SMAD5: variants seen among roughly 807,000 people sequenced by gnomAD.
The protein encoded by SMAD5 is SMAD family member 5.
A neutral mutation model predicts 43.1 loss-of-function variants in SMAD5; 9 were observed. That is an observed-to-expected ratio of 0.21 (90% CI 0.13 to 0.36). The LOEUF is 0.36. SMAD5 is among the 10% of genes least tolerant of loss of function. The pLI is 1.00. For synonymous variants in SMAD5, 190 were observed against 192.4 expected (o/e 0.99, Z 0.10); for missense variants, 348 against 574.0 (o/e 0.61, Z 4.02).
In SMAD5 at chr5:136,157,467, T is replaced by C. The variant is rs572073774; in HGVS notation, c.403+3304T>C. Among the ~76,000 whole-genome samples, 44 of 152,248 alleles carry C rather than the reference T, an allele frequency of 2.9e-4. 1 individual carries two copies. Among genetic ancestry groups the C allele is most frequent in the Admixed American group, 2.7e-3 (41 of 15,300 alleles). ...TGTGCACTTTATTTCTATTATTACA[T>C]TGTAATATGTAATGAAATAATTATA... On this transcript the variant is annotated intron_variant, in intron 3 of 7. Transcript: ENST00000545279.
rs1754518215 is a variant in SMAD5, at chr5:136,178,809, C to G, written c.*1329C>G. On this transcript the variant is annotated 3_prime_UTR_variant, in exon 8 of 8. Coordinates refer to ENST00000545279, the MANE Select transcript of SMAD5 (RefSeq NM_005903.7). Reference sequence around the variant, plus strand: ...GTGGCTCACACCTGTAATCCCAGCACTTTGGGAGGCTGAGGCAGGCAGATC... The same window carrying G: ...GTGGCTCACACCTGTAATCCCAGCAGTTTGGGAGGCTGAGGCAGGCAGATC... 2 of 152,504 alleles carry G rather than the reference C, an allele frequency of 1.3e-5. No homozygotes were observed. The highest frequency in any genetic ancestry group is 4.1e-4 in the South Asian group (2 of 4,834). The allele number at this position is 152,504 out of a possible 1,614,324, so 9.4% of individuals were successfully genotyped here.
Position 136,172,419 on chromosome 5 carries a change from C to G in SMAD5, c.776-15C>G. ...GATATGTATTAAACTCTTTCTGTGTCTGGTTTGTTCACAGATGTTCAGCCT... is the reference window on the plus strand; with the variant it reads ...GATATGTATTAAACTCTTTCTGTGTGTGGTTTGTTCACAGATGTTCAGCCT... On this transcript the variant is annotated splice_polypyrimidine_tract_variant and intron_variant, in intron 5 of 7. Transcript: ENST00000545279. 3 of 1,469,008 alleles carry G rather than the reference C, an allele frequency of 2.0e-6. No homozygotes were observed. Among genetic ancestry groups the G allele is most frequent in the Non-Finnish European group, 2.8e-6 (3 of 1,054,908 alleles). 91.0% of individuals were successfully genotyped at this position (1,469,008 alleles called of 1,614,324 possible). A position where few individuals can be genotyped will look rare whatever the true frequency, so the allele number is the denominator to read the frequency against.
At chr5:136,163,449 C>T in intron 5 of SMAD5, 58 bp downstream of exon 5, 1 of 1,409,226 alleles carries the variant, frequency 7.1e-7, no homozygotes, top group East Asian at 2.5e-5. Context: ...AACTTATTGG[C>T]TACTTTTTTA....
At chr5:136,164,846 T>C (rs1217739035) in intron 5 of SMAD5, among the ~76,000 whole-genome samples, 1 of 152,190 alleles carries the variant, frequency 6.6e-6, no homozygotes, top group Non-Finnish European at 1.5e-5. Context: ...TTCTATAGTT[T>C]TAGCTCTTAT....
chr5:136,176,573 G>A (rs906100489), intron 7 of SMAD5, among the ~76,000 whole-genome samples: 3 of 150,342 alleles, frequency 2.0e-5, no homozygotes, highest in African/African-American at 7.3e-5. Context: ...TAGTATTTAA[G>A]TGACATCTCT....
intron 7 of SMAD5, among the ~76,000 whole-genome samples, chr5:136,176,537 T>A (rs1171833332): frequency 1.3e-5 from 2 of 151,780 alleles, no homozygotes; most frequent in Non-Finnish European, 2.9e-5. Flanking sequence ...ATTTTGATTT[T>A]GATTTTTTAT....
chr5:136,143,248 G>T (rs1753144179), intron 1 of SMAD5, among the ~76,000 whole-genome samples: 1 of 150,082 alleles, frequency 6.7e-6, no homozygotes, highest in Non-Finnish European at 1.5e-5. Context: ...CTGTTTATTT[G>T]TGACATCCCT....
chr5:136,135,599 A>G (rs1312184944), intron 1 of SMAD5, among the ~76,000 whole-genome samples: 2 of 152,180 alleles, frequency 1.3e-5, no homozygotes, highest in Non-Finnish European at 2.9e-5. Flanking sequence ...AAAAAAATCT[A>G]TTTCATATAT....
At chr5:136,160,397 C>T (rs1306424579) in intron 3 of SMAD5, among the ~76,000 whole-genome samples, 1 of 152,126 alleles carries the variant, frequency 6.6e-6, no homozygotes, top group Non-Finnish European at 1.5e-5. Flanking sequence ...ATTTTCTCAT[C>T]TCCTCTGCCA....
intron 2 of SMAD5, among the ~76,000 whole-genome samples, chr5:136,149,307 A>G (rs539364507): frequency 4.0e-5 from 6 of 151,766 alleles, no homozygotes; most frequent in Non-Finnish European, 7.4e-5. Context: ...TTTTTGGTGG[A>G]CACAGCACTC....
At position 136,181,407 on chromosome 5, in the gene SMAD5, A is replaced by C. The variant is rs960793289; in HGVS notation, c.*3927A>C. ...GTTATATTGTTCAGCTAGATGAGCA[A>C]GTATCTTAGGGTAGTAGGTAGCCTG... is the stretch of plus-strand genomic sequence containing the variant. On this transcript the variant is annotated 3_prime_UTR_variant, in exon 8 of 8. Coordinates refer to ENST00000545279, the MANE Select transcript of SMAD5 (RefSeq NM_005903.7). 1.3e-5 allele frequency: 2 copies of C among 152,132 alleles called. No homozygotes were observed. The highest frequency in any genetic ancestry group is 2.9e-5 in the Non-Finnish European group (2 of 67,988). The allele number at this position is 152,132 out of a possible 1,614,324, so 9.4% of individuals were successfully genotyped here.
intron 3 of SMAD5, among the ~76,000 whole-genome samples, chr5:136,159,828 G>A (rs1753767590): frequency 6.6e-6 from 1 of 152,238 alleles, no homozygotes; most frequent in African/African-American, 2.4e-5. Context: ...AGAAACACTG[G>A]ATTGTTGTGT....
chr5:136,168,543 C>T (rs1580795329), intron 5 of SMAD5, among the ~76,000 whole-genome samples: 1 of 152,220 alleles, frequency 6.6e-6, no homozygotes, highest in African/African-American at 2.4e-5. Context: ...CAGCATCTCT[C>T]ACCAGAGTGG....
chr5:136,179,673 A>G lies in SMAD5; in HGVS notation c.*2193A>G, dbSNP rs147616081. ...GAGCCTTAAATGTAAGTATTACATG[A>G]CATGCATTCTGTTTCTTCCAGAGTT... On this transcript the variant is annotated 3_prime_UTR_variant, in exon 8 of 8. Coordinates refer to ENST00000545279, the MANE Select transcript of SMAD5 (RefSeq NM_005903.7). The G allele has an allele frequency of 1.5e-3, 236 of 152,338 alleles. 1 individual carries two copies. Among genetic ancestry groups the G allele is most frequent in the African/African-American group, 5.2e-3 (217 of 41,582 alleles). 9.4% of individuals were successfully genotyped at this position (152,338 alleles called of 1,614,324 possible).
At chr5:136,158,443 T>G (rs1435123722) in intron 3 of SMAD5, among the ~76,000 whole-genome samples, 1 of 152,208 alleles carries the variant, frequency 6.6e-6, no homozygotes, top group East Asian at 1.9e-4. Context: ...AATAAATTTT[T>G]ATACATGCAG....
At chr5:136,162,523 A>G (rs1223624794) in intron 4 of SMAD5, among the ~76,000 whole-genome samples, 1 of 152,164 alleles carries the variant, frequency 6.6e-6, no homozygotes, top group Admixed American at 6.5e-5. Flanking sequence ...TCAAAAACAA[A>G]TTTTCATAGT....
Position 136,153,584 on chromosome 5 carries a change from T to G in SMAD5, c.-169-8T>G. The G allele has an allele frequency of 1.8e-6, 1 of 541,050 alleles. No homozygotes were observed. Among genetic ancestry groups the G allele is most frequent in the Non-Finnish European group, 3.3e-6 (1 of 307,336 alleles). The allele number at this position is 541,050 out of a possible 1,614,324, so 33.5% of individuals were successfully genotyped here. On this transcript the variant is annotated splice_polypyrimidine_tract_variant and splice_region_variant and intron_variant, in intron 2 of 7. Transcript: ENST00000545279. Reference sequence around the variant, plus strand: ...TAAACTAGGATCCTTTCCCCCTTTCTCTTTCAGGACTTGACCCAATGAAAG... The same window carrying G: ...TAAACTAGGATCCTTTCCCCCTTTCGCTTTCAGGACTTGACCCAATGAAAG...
intron 7 of SMAD5, among the ~76,000 whole-genome samples, chr5:136,175,626 G>C (rs1754388774): frequency 6.6e-6 from 1 of 152,154 alleles, no homozygotes; most frequent in African/African-American, 2.4e-5. Flanking sequence ...ACATATTTAA[G>C]CAATCTGTAC....
chr5:136,147,058 TA>T (rs1366574070), intron 1 of SMAD5, among the ~76,000 whole-genome samples: 1 of 151,636 alleles, frequency 6.6e-6, no homozygotes, highest in Non-Finnish European at 1.5e-5. Flanking sequence ...TATAGGTGAG[TA>T]TACTTAGGAA....
Sources: gnomAD v4.1 joint callset for allele counts (sites outside exome capture counted in the v4.1 genomes callset) on GRCh38, gnomAD v4.1.1 for gene constraint, MANE v1.5 for transcripts, NCBI Gene and HGNC (gene_info 2026-07-23, HGNC 2026-07-21) for gene names.